Variants in IRAK1BP1 observed in about 807,000 individuals in gnomAD.
IRAK1BP1 encodes interleukin 1 receptor associated kinase 1 binding protein 1.
In IRAK1BP1, 24 loss-of-function variants were observed where a neutral mutation model predicts 28.0. The ratio of observed to expected loss-of-function variants is 0.86; its 90% CI spans 0.62 to 1.20. The LOEUF (loss-of-function observed/expected upper bound fraction) is 1.20. Among genes scored for constraint, IRAK1BP1 ranks in the 50% most tolerant of loss-of-function variants. The pLI is 0.00. For missense variants in IRAK1BP1, 336 were observed against 316.7 expected (o/e 1.06, Z -0.46); for synonymous variants, 131 against 116.3 (o/e 1.13, Z -0.81).
At chr6:78,945,566 T>G in exon 5 of IRAK1BP1, 1 of 895,880 alleles carries the variant, frequency 1.1e-6, no homozygotes, top group Non-Finnish European at 1.8e-6. Context: ...AAGGTTAACC[T>G]GAATTATTTG....
chr6:78,947,424 C>T (rs527570982), downstream of IRAK1BP1, among the ~76,000 whole-genome samples: 3 of 152,282 alleles, frequency 2.0e-5, no homozygotes, highest in African/African-American at 7.2e-5. Flanking sequence ...TAACCATTCC[C>T]AGACATCAAA....
At chr6:78,915,025 G>T (rs970006895) in intron 4 of IRAK1BP1, among the ~76,000 whole-genome samples, 3 of 152,026 alleles carry the variant, frequency 2.0e-5, no homozygotes, top group African/African-American at 7.3e-5. Flanking sequence ...TTGCCATGTT[G>T]GTCAGGCTGG....
intron 4 of IRAK1BP1, among the ~76,000 whole-genome samples, chr6:78,923,150 C>T (rs1388199341): frequency 4.6e-5 from 7 of 151,976 alleles, no homozygotes; most frequent in Non-Finnish European, 1.0e-4. Context: ...AGACTCAAGA[C>T]CCATCAGTGT....
At chr6:78,882,787 C>G (rs1771277177) in intron 1 of IRAK1BP1, among the ~76,000 whole-genome samples, 1 of 152,022 alleles carries the variant, frequency 6.6e-6, no homozygotes, top group Non-Finnish European at 1.5e-5. Context: ...CTGGTGAAAT[C>G]CAAATAAAGT....
intron 4 of IRAK1BP1, chr6:78,936,996 C>T (rs1773294994): frequency 6.6e-6 from 1 of 151,688 alleles, no homozygotes. Context: ...AAAACCACTG[C>T]TCAATCTGTT....
At chr6:78,907,990 T>C (rs965245661), downstream of IRAK1BP1, among the ~76,000 whole-genome samples, 8 of 151,822 alleles carry the variant, frequency 5.3e-5, no homozygotes, top group Non-Finnish European at 1.2e-4. Context: ...AGTGCTGGAA[T>C]TACAGGCATG....
intron 4 of IRAK1BP1, chr6:78,936,500 T>C (rs1462366874): frequency 6.6e-6 from 1 of 151,892 alleles, no homozygotes; most frequent in Non-Finnish European, 1.5e-5. Context: ...CTTATATGCA[T>C]GTACTATATT....
intron 2 of IRAK1BP1, among the ~76,000 whole-genome samples, 171 bp downstream of exon 2, chr6:78,885,614 G>A (rs45625733): frequency 3.7e-4 from 57 of 152,124 alleles, no homozygotes; most frequent in Non-Finnish European, 6.8e-4. Context: ...ATAAACTTGA[G>A]ATTTAAAAGA....
the IRAK1BP1 span, among the ~76,000 whole-genome samples, chr6:78,972,074 A>C: frequency 1.3e-5 from 2 of 152,176 alleles, no homozygotes; most frequent in Non-Finnish European, 1.5e-5. Flanking sequence ...CTCTGGGGGC[A>C]GGGCACAGAC....
chr6:78,934,698 A>G (rs1773197938), intron 4 of IRAK1BP1, among the ~76,000 whole-genome samples: 1 of 152,204 alleles, frequency 6.6e-6, no homozygotes, highest in African/African-American at 2.4e-5. Context: ...ACCACTGGCT[A>G]TTTGAACAGA....
At chr6:78,960,450 C>CTT in the IRAK1BP1 span, among the ~76,000 whole-genome samples, 8 of 137,484 alleles carry the variant, frequency 5.8e-5, no homozygotes, top group South Asian at 2.3e-4. Flanking sequence ...TTAGGAATTC[C>CTT]TTTTTTTTTT....
downstream of IRAK1BP1, among the ~76,000 whole-genome samples, chr6:78,907,149 AAAAC>A (rs1463283409): frequency 6.6e-6 from 1 of 152,182 alleles, no homozygotes; most frequent in Admixed American, 6.5e-5. Flanking sequence ...AAAAAGATGA[AAAAC>A]AAGGTTACTA....
chr6:78,962,877 G>A, the IRAK1BP1 span, among the ~76,000 whole-genome samples: 1 of 151,986 alleles, frequency 6.6e-6, no homozygotes, highest in Admixed American at 6.6e-5. Flanking sequence ...CTTCTAGGAG[G>A]CCCTTATTCT....
At chr6:78,870,731 A>C (rs1440957163) in intron 1 of IRAK1BP1, among the ~76,000 whole-genome samples, 2 of 150,838 alleles carry the variant, frequency 1.3e-5, no homozygotes. Context: ...TTTTTTTGAG[A>C]TGGAGTTTCG....
chr6:78,908,919 G>A (rs1256702548), intron 4 of IRAK1BP1, among the ~76,000 whole-genome samples: 2 of 152,008 alleles, frequency 1.3e-5, no homozygotes, highest in African/African-American at 4.8e-5. Flanking sequence ...ATCAATTCTG[G>A]GCCCACCTTC....
chr6:78,872,766 C>T (rs1312456733), intron 1 of IRAK1BP1, among the ~76,000 whole-genome samples: 44 of 152,160 alleles, frequency 2.9e-4, no homozygotes. Context: ...TATACGTTTA[C>T]ATCTTCACTT....
chr6:78,971,885 G>A, the IRAK1BP1 span, among the ~76,000 whole-genome samples: 4 of 152,166 alleles, frequency 2.6e-5, no homozygotes, highest in Admixed American at 6.5e-5. Flanking sequence ...CCTACCCCAC[G>A]GAGTCTCGCT....
At chr6:78,939,070 ATTCT>A (rs1773373195) in intron 4 of IRAK1BP1, 1 of 151,842 alleles carries the variant, frequency 6.6e-6, no homozygotes, top group East Asian at 1.9e-4. Context: ...AAAATACTAC[ATTCT>A]TTAAATTTTT....
At chr6:78,895,709 A>T (rs527670459) in intron 2 of IRAK1BP1, among the ~76,000 whole-genome samples, 2 of 152,334 alleles carry the variant, frequency 1.3e-5, no homozygotes, top group Admixed American at 6.5e-5. Context: ...AGTAAAAATT[A>T]TCAGTAAAAT....
Sources: allele counts gnomAD v4.1 joint callset (sites outside exome capture counted in the v4.1 genomes callset), GRCh38; gene constraint gnomAD v4.1.1; transcripts MANE v1.5; gene names NCBI Gene and HGNC (gene_info 2026-07-23, HGNC 2026-07-21).